The following CNGA1 variants were observed in gnomAD, a reference collection of about 807,000 sequenced individuals.
CNGA1 encodes cyclic nucleotide-gated channel alpha-1.
CNGA1 carries 53 observed loss-of-function variants against 69.7 expected under a neutral mutation model. That is an observed-to-expected ratio of 0.76 (90% confidence interval 0.61 to 0.96). The LOEUF (loss-of-function observed/expected upper bound fraction) is 0.96, where lower values mean the gene tolerates loss of function less well. CNGA1 is among the 40% of genes least tolerant of loss of function. The pLI is 0.00. For synonymous variants in CNGA1, 249 were observed against 283.5 expected (o/e 0.88, Z 1.22); for missense variants, 739 against 811.2 (o/e 0.91, Z 1.08).
intron 2 of CNGA1, among the ~76,000 whole-genome samples, chr4:47,993,612 T>C (rs1742368357): frequency 6.6e-6 from 1 of 152,106 alleles, no homozygotes; most frequent in African/African-American, 2.4e-5. Flanking sequence ...GGTCTATCAA[T>C]TTTATTTATT....
chr4:47,982,929 C>G (rs113337149), intron 2 of CNGA1, among the ~76,000 whole-genome samples: 17,156 of 151,986 alleles, frequency 0.11, 1,535 homozygotes, highest in East Asian at 0.31. Context: ...CTCAGCCTCC[C>G]AAGTAGCTGG....
At chr4:47,952,266 G>A (rs1252281224) in intron 4 of CNGA1, among the ~76,000 whole-genome samples, 1 of 152,062 alleles carries the variant, frequency 6.6e-6, no homozygotes, top group African/African-American at 2.4e-5. Flanking sequence ...TACCTGGGAG[G>A]CTGAGGCAAG....
At chr4:48,008,256 C>T (rs371109661) in intron 2 of CNGA1, among the ~76,000 whole-genome samples, 1 of 152,016 alleles carries the variant, frequency 6.6e-6, no homozygotes, top group Admixed American at 6.5e-5. Context: ...TCTGGTTTGT[C>T]CTGAACATCC....
intron 3 of CNGA1, among the ~76,000 whole-genome samples, chr4:47,979,947 C>G (rs1304638458): frequency 6.6e-6 from 1 of 152,144 alleles, no homozygotes; most frequent in East Asian, 1.9e-4. Context: ...GTTATTTACA[C>G]TTTCCTCATT....
intron 2 of CNGA1, 166 bp from the exon 3 acceptor site, chr4:47,981,666 A>G (rs1039743327): frequency 7.9e-5 from 12 of 152,188 alleles, no homozygotes; most frequent in African/African-American, 2.2e-4. Flanking sequence ...CATGGATGAA[A>G]ATAACAGCAA....
chr4:47,938,397 AT>A (rs10647718), intron 10 of CNGA1, among the ~76,000 whole-genome samples: 46,284 of 142,564 alleles, frequency 0.32, 8,677 homozygotes, highest in Non-Finnish European at 0.43. Flanking sequence ...TACTAAGTGC[AT>A]TTTTTTTTTT....
intron 3 of CNGA1, among the ~76,000 whole-genome samples, chr4:47,963,404 G>A (rs533972896): frequency 3.9e-5 from 6 of 152,296 alleles, no homozygotes; most frequent in South Asian, 2.1e-4. Context: ...CAGGAATGCC[G>A]CTATCATATT....
intron 10 of CNGA1, among the ~76,000 whole-genome samples, 162 bp downstream of exon 10, chr4:47,940,601 A>G (rs1739016060): frequency 6.6e-6 from 1 of 152,210 alleles, no homozygotes. Flanking sequence ...ATCTAAGCCT[A>G]TGAGTTTATA....
At chr4:48,012,079 T>A (rs946015155) in intron 1 of CNGA1, among the ~76,000 whole-genome samples, 2 of 152,164 alleles carry the variant, frequency 1.3e-5, no homozygotes, top group Non-Finnish European at 2.9e-5. Flanking sequence ...CAAAGAAACA[T>A]GTTTTAGGGT....
chr4:47,939,011 G>GAA lies in CNGA1; in HGVS notation c.653-1183_653-1182insTT, dbSNP rs1553929555. ...AAAGAAAGAGAAAGAAAGAAAGAAA[G>GAA]AGAAAGAAGAAAGAAAGAAAGAGAA... On this transcript the variant is annotated intron_variant, in intron 10 of 10. Transcript: ENST00000514170. Among the ~76,000 whole-genome samples the GAA allele has an allele frequency of 1.9e-3, 281 of 149,798 alleles. 2 individuals are homozygous for GAA. The highest frequency in any genetic ancestry group is 6.4e-3 in the African/African-American group (261 of 40,590).
chr4:47,960,433 G>GCTT (rs1740364560), intron 3 of CNGA1, among the ~76,000 whole-genome samples: 1 of 152,084 alleles, frequency 6.6e-6, no homozygotes, highest in African/African-American at 2.4e-5. Flanking sequence ...AAATTATAAA[G>GCTT]CTTCTAGATG....
chr4:48,009,190 G>T (rs544095756), intron 2 of CNGA1, among the ~76,000 whole-genome samples: 1 of 152,200 alleles, frequency 6.6e-6, no homozygotes, highest in South Asian at 2.1e-4. Flanking sequence ...TTTACAGCTG[G>T]GCACAGTGGC....
intron 2 of CNGA1, among the ~76,000 whole-genome samples, chr4:48,002,911 G>A (rs1401330105): frequency 6.6e-6 from 1 of 152,074 alleles, no homozygotes; most frequent in Non-Finnish European, 1.5e-5. Context: ...AAGTGAATGA[G>A]TTTTAGGATA....
chr4:47,952,620 C>G lies in CNGA1; in HGVS notation c.70G>C (p.Glu24Gln). 1.2e-6 allele frequency: 2 copies of G among 1,611,616 alleles called. No homozygotes were observed. The highest frequency in any genetic ancestry group is 2.2e-5 in the East Asian group (1 of 44,752). Reference protein sequence around the residue: ...TMPNVIVPDIEKEIRRMENGA... With the variant: ...TMPNVIVPDIQKEIRRMENGA... ...TTTTCCATCCTTCGTATTTCCTTTT[C>G]AATATCTGGTACAATCACATTGGGC... The change falls in exon 4 of 11, where the codon GAA becomes CAA. Residue 24 changes from glutamate to glutamine, a missense_variant. Transcript: ENST00000514170.
chr4:47,997,180 C>T (rs1714392233), intron 2 of CNGA1, among the ~76,000 whole-genome samples: 1 of 152,120 alleles, frequency 6.6e-6, no homozygotes, highest in Non-Finnish European at 1.5e-5. Context: ...ATTACCCTTC[C>T]CCAAAACTGG....
At position 47,965,839 on chromosome 4, in the gene CNGA1, T is replaced by G. The variant is rs1022557500; in HGVS notation, c.-14-13136A>C. Among the ~76,000 whole-genome samples, 9 of 152,348 alleles carry G rather than the reference T, an allele frequency of 5.9e-5. No individual in the cohort carries two copies. In the South Asian group the frequency reaches 1.0e-3, roughly 18 times the overall value. Reference sequence around the variant, plus strand: ...TACTCTGTAGTTTGAGAAAAAAATTTTAATAGTAATTGCTTATTCTTTTCA... The same window carrying G: ...TACTCTGTAGTTTGAGAAAAAAATTGTAATAGTAATTGCTTATTCTTTTCA... On this transcript the variant is annotated intron_variant, in intron 3 of 10. Transcript: ENST00000514170.
chr4:48,012,591 T>TTTTTTA, intron 1 of CNGA1, among the ~76,000 whole-genome samples: 1 of 100,000 alleles, frequency 1.0e-5, no homozygotes, highest in Middle Eastern at 5.3e-3. Flanking sequence ...TTTTTTTTTT[T>TTTTTTA]AGAATTTAGC....
intron 10 of CNGA1, among the ~76,000 whole-genome samples, chr4:47,940,497 G>A (rs748807523): frequency 2.6e-5 from 4 of 151,950 alleles, no homozygotes; most frequent in Non-Finnish European, 5.9e-5. Context: ...TATTCCTCTC[G>A]CCTGGCACAA....
chr4:47,936,150 T>A lies in CNGA1; in HGVS notation c.*271A>T, dbSNP rs1260882881. ...AAGAATATTACATAAAATGAGCGTA[T>A]GTGAAAAAATCAGAAAATACAGACA... On this transcript the variant is annotated 3_prime_UTR_variant, in exon 11 of 11. Transcript: ENST00000514170. 9.9e-6 allele frequency: 5 copies of A among 504,606 alleles called. No individual in the cohort carries two copies. Among genetic ancestry groups the A allele is most frequent in the Non-Finnish European group, 1.8e-5 (5 of 284,040 alleles). The allele number at this position is 504,606 out of a possible 1,614,324, so 31.3% of individuals were successfully genotyped here. A position where few individuals can be genotyped will look rare whatever the true frequency, so the allele number is the denominator to read the frequency against.
Sources: allele counts gnomAD v4.1 joint callset (sites outside exome capture counted in the v4.1 genomes callset), GRCh38; gene constraint gnomAD v4.1.1; transcripts MANE v1.5; gene names NCBI Gene and HGNC (gene_info 2026-07-23, HGNC 2026-07-21).